Variants in JMJD1C observed in about 807,000 individuals in gnomAD.
JMJD1C encodes the protein jumonji domain-containing protein 1C.
In JMJD1C, 31 loss-of-function variants were observed where a neutral mutation model predicts 245.3. That is an observed-to-expected ratio of 0.13 (90% CI 0.09 to 0.17). JMJD1C has a LOEUF of 0.17. Ranked by LOEUF, JMJD1C falls within the 10% of genes least tolerant of loss-of-function variation. The pLI is 1.00. For missense variants in JMJD1C, 2,691 were observed against 3,000.2 expected, an observed-to-expected ratio of 0.90 and a Z score of 2.41; for synonymous variants, 1,057 against 1,017.4, an observed-to-expected ratio of 1.04 and a Z score of -0.74.
chr10:63,521,884 G>A (rs1955264076), upstream of JMJD1C: 1 of 156,390 alleles, frequency 6.4e-6, no homozygotes, highest in South Asian at 1.9e-4. Context: ...TGGGTGGGCA[G>A]GCGCTCAGGG....
chr10:63,421,606 A>C (rs1001404923), intron 1 of JMJD1C, among the ~76,000 whole-genome samples: 1 of 152,164 alleles, frequency 6.6e-6, no homozygotes, highest in Non-Finnish European at 1.5e-5. Flanking sequence ...CTTCCCCCCA[A>C]TTAATATATT....
intron 1 of JMJD1C, among the ~76,000 whole-genome samples, chr10:63,408,497 T>C (rs1371709323): frequency 2.0e-5 from 3 of 152,048 alleles, no homozygotes; most frequent in Non-Finnish European, 4.4e-5. Context: ...AAGTTTCTTT[T>C]ATATAAAAGA....
At chr10:63,465,428 G>A (rs1953156962) in intron 1 of JMJD1C, 67 bp downstream of exon 1, 5 of 1,450,348 alleles carry the variant, frequency 3.4e-6, no homozygotes, top group Middle Eastern at 2.4e-4. Context: ...AGGGAAGCCT[G>A]CAAGGTACGT....
At chr10:63,273,494 C>T (rs1393548940) in intron 2 of JMJD1C, among the ~76,000 whole-genome samples, 1 of 152,198 alleles carries the variant, frequency 6.6e-6, no homozygotes, top group Non-Finnish European at 1.5e-5. Flanking sequence ...GCTTTTACTT[C>T]AAGTCTCCTT....
intron 2 of JMJD1C, among the ~76,000 whole-genome samples, chr10:63,375,748 G>A (rs1376200561): frequency 2.0e-5 from 3 of 151,724 alleles, no homozygotes; most frequent in African/African-American, 4.8e-5. Context: ...AGAGAAGGGG[G>A]CTCGCTGCAT....
intron 2 of JMJD1C, among the ~76,000 whole-genome samples, chr10:63,277,585 T>G (rs905050255): frequency 6.6e-6 from 1 of 152,054 alleles, no homozygotes; most frequent in Non-Finnish European, 1.5e-5. Flanking sequence ...AAAGATATTT[T>G]GGGGATGGTA....
intron 2 of JMJD1C, among the ~76,000 whole-genome samples, chr10:63,337,643 T>C (rs1942971837): frequency 1.1e-5 from 1 of 91,100 alleles, no homozygotes. Context: ...AGAAAAAAAA[T>C]CCGCTATTGT....
In JMJD1C at chr10:63,264,771, A is replaced by T; in HGVS notation, c.334-7T>A. ...CAACCAGAGGTTTGAAAGTCTGCCA[A>T]GAAAAAAAAAATTTCTAATGATAAT... On this transcript the variant is annotated splice_region_variant and splice_polypyrimidine_tract_variant and intron_variant, in intron 2 of 25. Transcript: ENST00000399262. 1 of 1,365,148 alleles carries T rather than the reference A, an allele frequency of 7.3e-7. No homozygotes were observed. The highest frequency in any genetic ancestry group is 1.0e-6 in the Non-Finnish European group (1 of 972,982). 84.6% of individuals were successfully genotyped at this position (1,365,148 alleles called of 1,614,324 possible). A position where few individuals can be genotyped will look rare whatever the true frequency, so the allele number is the denominator to read the frequency against.
Position 63,521,557 on chromosome 10 carries a change from G to C in JMJD1C, n.113+181C>G, listed in dbSNP as rs1819682624. The C allele has an allele frequency of 2.1e-6, 3 of 1,439,200 alleles. No homozygotes were observed. In the South Asian group the frequency reaches 4.3e-5, roughly 21 times the overall value. 89.2% of individuals were successfully genotyped at this position (1,439,200 alleles called of 1,614,324 possible). On this transcript the variant is annotated intron_variant and non_coding_transcript_variant, in intron 1 of 3. Coordinates refer to the JMJD1C transcript ENST00000633035. ...AAGCCCCCGTGAAGATGGTGTCCTGGATGATCTCCAGAGCCGTGGTGTAAG... is the reference window on the plus strand; with the variant it reads ...AAGCCCCCGTGAAGATGGTGTCCTGCATGATCTCCAGAGCCGTGGTGTAAG...
At chr10:63,371,062 T>C (rs1458387842) in intron 2 of JMJD1C, among the ~76,000 whole-genome samples, 1 of 152,032 alleles carries the variant, frequency 6.6e-6, no homozygotes, top group Non-Finnish European at 1.5e-5. Flanking sequence ...ACCATAGCCT[T>C]GTACTCCTGG....
At position 63,214,105 on chromosome 10, in the gene JMJD1C, G is replaced by C. The variant is rs1354108288; in HGVS notation, c.2062C>G (p.Pro688Ala). The C allele has an allele frequency of 6.2e-7, 1 of 1,614,166 alleles. No individual in the cohort carries two copies. The highest frequency in any genetic ancestry group is 1.1e-5 in the South Asian group (1 of 91,084). Residue 688 changes from proline to alanine, a missense_variant, in exon 8 of 26, where the codon CCA (proline) becomes GCA (alanine). Transcript: ENST00000399262. ...EHELSRCSFH[P>A]IPTRSSTLET... ...AATGTACTGCTTCGAGTAGGAATTG[G>C]ATGAAAACTGCATCTTGATAGCTCA...
chr10:63,341,731 T>C (rs1421717030), intron 2 of JMJD1C, among the ~76,000 whole-genome samples: 1 of 152,240 alleles, frequency 6.6e-6, no homozygotes, highest in Non-Finnish European at 1.5e-5. Flanking sequence ...TCGTGTCATG[T>C]ACTTTCCCCC....
chr10:63,312,899 ATGT>A (rs1463751910), intron 2 of JMJD1C, among the ~76,000 whole-genome samples: 1 of 152,196 alleles, frequency 6.6e-6, no homozygotes, highest in African/African-American at 2.4e-5. Flanking sequence ...CTAATTTTAG[ATGT>A]TATTAAACTA....
intron 24 of JMJD1C, among the ~76,000 whole-genome samples, chr10:63,170,283 C>T (rs1842227976): frequency 6.6e-6 from 1 of 152,136 alleles, no homozygotes. Context: ...TTTATTTTCT[C>T]CCTTTGAATG....
At chr10:63,464,900 G>C (rs1953085742) in intron 1 of JMJD1C, among the ~76,000 whole-genome samples, 1 of 152,164 alleles carries the variant, frequency 6.6e-6, no homozygotes, top group Non-Finnish European at 1.5e-5. Context: ...TTTACGGTTA[G>C]AAAGCCAAGC....
In JMJD1C at chr10:63,411,588, C is replaced by CA. The variant is rs201005427; in HGVS notation, c.169-31107dup. Among the ~76,000 whole-genome samples the CA allele has an allele frequency of 6.4e-3, 941 of 146,086 alleles. 1 individual carries two copies. Among genetic ancestry groups the CA allele is most frequent in the Admixed American group, 0.012 (175 of 14,602 alleles). On this transcript the variant is annotated intron_variant, in intron 1 of 25. Transcript: ENST00000399262. ...TGCTGGGATTACAGGCGTGAGCCAC[C>CA]ACACTCGGCCTGATTTTTTTTTTTT...
chr10:63,443,164 A>G (rs749585664), intron 1 of JMJD1C, among the ~76,000 whole-genome samples: 5 of 152,180 alleles, frequency 3.3e-5, no homozygotes, highest in Non-Finnish European at 7.4e-5. Context: ...ATTATAAAGG[A>G]TACAACCCAA....
chr10:63,362,976 C>G (rs1945518654), intron 2 of JMJD1C, among the ~76,000 whole-genome samples: 1 of 152,010 alleles, frequency 6.6e-6, no homozygotes, highest in African/African-American at 2.4e-5. Context: ...TTCTCAGGGA[C>G]CTTCACTTTC....
intron 2 of JMJD1C, among the ~76,000 whole-genome samples, chr10:63,339,747 G>A (rs1464818890): frequency 6.6e-6 from 1 of 152,224 alleles, no homozygotes; most frequent in African/African-American, 2.4e-5. Context: ...ACAACATAGT[G>A]AAACCACGTC....
Sources: gnomAD v4.1 joint callset for allele counts (sites outside exome capture counted in the v4.1 genomes callset) on GRCh38, gnomAD v4.1.1 for gene constraint, MANE v1.5 for transcripts, NCBI Gene and HGNC (gene_info 2026-07-23, HGNC 2026-07-21) for gene names.